The following UBL3 variants were observed in gnomAD, a reference collection of about 807,000 sequenced individuals.
UBL3 encodes the protein ubiquitin-like protein 3.
A neutral mutation model predicts 18.4 loss-of-function variants in UBL3; 6 were observed. That is an observed-to-expected ratio of 0.33 (90% confidence interval 0.18 to 0.64). UBL3 has a LOEUF of 0.64. Among genes scored for constraint, UBL3 ranks in the 30% least tolerant of loss-of-function variants. The pLI, the probability that UBL3 is intolerant of heterozygous loss-of-function variation, is 0.76. For synonymous variants in UBL3, 49 were observed against 46.6 expected, an observed-to-expected ratio of 1.05 and a Z score of -0.21; for missense variants, 109 against 142.9, an observed-to-expected ratio of 0.76 and a Z score of 1.21.
At chr13:29,780,367 A>AAT (rs67385106) in intron 1 of UBL3, among the ~76,000 whole-genome samples, 31 of 103,302 alleles carry the variant, frequency 3.0e-4, no homozygotes, top group East Asian at 2.7e-3. Context: ...AAAAAAAAAA[A>AAT]ATATATATAT....
intron 1 of UBL3, among the ~76,000 whole-genome samples, chr13:29,835,142 ATATATATATATATATATATATATATAT>A: frequency 8.1e-5 from 1 of 12,322 alleles, no homozygotes; most frequent in Non-Finnish European, 1.5e-4. Context: ...ATATATATAT[ATATATATATATATATATATATATATAT>A]ATATATATAT....
rs752792383 is a variant in UBL3 at position 29,793,937 on chromosome 13, C to CCG, written c.28-16675_28-16674insCG. Among the ~76,000 whole-genome samples, 98 of 152,248 alleles carry CCG rather than the reference C, an allele frequency of 6.4e-4. 1 individual carries two copies. The highest frequency in any genetic ancestry group is 1.1e-3 in the Non-Finnish European group (76 of 67,998). On this transcript the variant is annotated intron_variant, in intron 1 of 4. Coordinates refer to ENST00000380680, the MANE Select transcript of UBL3 (RefSeq NM_007106.4). The stretch of plus-strand genomic sequence containing the variant: ...TTGGCTCACTGCAACCTCCACCCCC[C>CCG]AGGTTCAAGAGATTTTCCTGCCTCA...
chr13:29,792,106 G>C (rs1186441622), intron 1 of UBL3, among the ~76,000 whole-genome samples: 1 of 152,100 alleles, frequency 6.6e-6, no homozygotes, highest in African/African-American at 2.4e-5. Flanking sequence ...CAGTCACAGT[G>C]CTTGAAAAAA....
intron 1 of UBL3, among the ~76,000 whole-genome samples, chr13:29,832,795 T>G (rs911355746): frequency 1.3e-5 from 2 of 152,196 alleles, no homozygotes; most frequent in Non-Finnish European, 2.9e-5. Flanking sequence ...TTGTGCCAAC[T>G]GTCATTTTTA....
At chr13:29,804,687 T>TA (rs1285267710) in intron 1 of UBL3, among the ~76,000 whole-genome samples, 1 of 152,004 alleles carries the variant, frequency 6.6e-6, no homozygotes, top group African/African-American at 2.4e-5. Context: ...GCACACAGTC[T>TA]AAAAAAACCT....
intron 1 of UBL3, among the ~76,000 whole-genome samples, chr13:29,846,730 T>C (rs375744191): frequency 2.0e-5 from 3 of 152,184 alleles, no homozygotes; most frequent in African/African-American, 7.2e-5. Flanking sequence ...GATTTTCCTA[T>C]ACAACTGACA....
chr13:29,776,261 C>CTTTTTTT (rs5741722), intron 2 of UBL3, among the ~76,000 whole-genome samples: 8 of 91,692 alleles, frequency 8.7e-5, no homozygotes, highest in Non-Finnish European at 1.3e-4. Context: ...TCTTTTCTTT[C>CTTTTTTT]TTTTTTTTTT....
chr13:29,801,897 C>T (rs1182468463), intron 1 of UBL3, among the ~76,000 whole-genome samples: 3 of 152,318 alleles, frequency 2.0e-5, no homozygotes, highest in African/African-American at 7.2e-5. Context: ...AAGTGAAAGG[C>T]CCTCTGCCAC....
At chr13:29,786,725 G>C (rs1461730082) in intron 1 of UBL3, among the ~76,000 whole-genome samples, 3 of 151,506 alleles carry the variant, frequency 2.0e-5, no homozygotes, top group African/African-American at 7.3e-5. Context: ...TAAATGGATG[G>C]AAGAAGCTAC....
intron 1 of UBL3, among the ~76,000 whole-genome samples, chr13:29,813,741 G>A (rs907482940): frequency 6.6e-6 from 1 of 151,998 alleles, no homozygotes; most frequent in African/African-American, 2.4e-5. Context: ...TTGGGTGATG[G>A]TAGGGTCCTG....
At chr13:29,799,260 T>C (rs942475258) in intron 1 of UBL3, among the ~76,000 whole-genome samples, 7 of 152,238 alleles carry the variant, frequency 4.6e-5, no homozygotes, top group Admixed American at 2.6e-4. Context: ...TATGCAGACA[T>C]TGCCAAATGT....
chr13:29,845,687 T>C (rs1879212187), intron 1 of UBL3, among the ~76,000 whole-genome samples: 1 of 152,124 alleles, frequency 6.6e-6, no homozygotes, highest in African/African-American at 2.4e-5. Flanking sequence ...AATAAAAATA[T>C]TCATTAAGCA....
rs147927920 is a variant in UBL3 at position 29,809,750 on chromosome 13, G to C, written c.28-32487C>G. 4.4e-3 allele frequency among the ~76,000 whole-genome samples: 673 copies of C among 152,200 alleles called. 5 individuals are homozygous for C. Among genetic ancestry groups the C allele is most frequent in the African/African-American group, 0.015 (638 of 41,536 alleles). On this transcript the variant is annotated intron_variant, in intron 1 of 4. Transcript: ENST00000380680. Reference sequence around the variant, plus strand: ...GGCATTAGTGGGGTCTATGTTTCAGGACCCTGCCTTCTGACCCCCGCCCAC... The same window carrying C: ...GGCATTAGTGGGGTCTATGTTTCAGCACCCTGCCTTCTGACCCCCGCCCAC...
chr13:29,833,558 A>C (rs553100264), intron 1 of UBL3, among the ~76,000 whole-genome samples: 1 of 152,278 alleles, frequency 6.6e-6, no homozygotes, highest in African/African-American at 2.4e-5. Context: ...TCTGCCTACA[A>C]TATAATTCCC....
chr13:29,791,606 C>T (rs1427573401), intron 1 of UBL3, among the ~76,000 whole-genome samples: 2 of 152,154 alleles, frequency 1.3e-5, no homozygotes, highest in Non-Finnish European at 2.9e-5. Context: ...TTGTTCGGTT[C>T]TGAGGTCACC....
At chr13:29,785,429 A>T (rs149405495) in intron 1 of UBL3, among the ~76,000 whole-genome samples, 1,608 of 152,324 alleles carry the variant, frequency 0.011, 31 homozygotes, top group African/African-American at 0.037. Flanking sequence ...TTTGAAAATG[A>T]ATAGTTTTTA....
chr13:29,776,840 C>T (rs1877007673), intron 2 of UBL3, among the ~76,000 whole-genome samples: 1 of 127,622 alleles, frequency 7.8e-6, no homozygotes. Context: ...CACTGCACTC[C>T]AGCCTGGCGA....
intron 1 of UBL3, among the ~76,000 whole-genome samples, chr13:29,824,970 T>C (rs2139352868): frequency 6.6e-6 from 1 of 152,362 alleles, no homozygotes. Context: ...GGCAATCCTT[T>C]CCCCATTTCT....
chr13:29,781,011 TA>T (rs1277086879), intron 1 of UBL3, among the ~76,000 whole-genome samples: 1 of 152,038 alleles, frequency 6.6e-6, no homozygotes, highest in Non-Finnish European at 1.5e-5. Context: ...CGGTCTCTAA[TA>T]AAAATACAAA....
Sources: gnomAD v4.1 joint callset for allele counts (sites outside exome capture counted in the v4.1 genomes callset) on GRCh38, gnomAD v4.1.1 for gene constraint, MANE v1.5 for transcripts, NCBI Gene and HGNC (gene_info 2026-07-23, HGNC 2026-07-21) for gene names.